Variants in PDK4 observed in about 807,000 individuals in gnomAD.
The protein encoded by PDK4 is pyruvate dehydrogenase kinase 4.
A neutral mutation model predicts 51.7 loss-of-function variants in PDK4; 43 were observed. The ratio of observed to expected loss-of-function variants is 0.83; its 90% confidence interval spans 0.65 to 1.07. The LOEUF (loss-of-function observed/expected upper bound fraction) is 1.07. Ranked by LOEUF, PDK4 falls within the 50% of genes least tolerant of loss-of-function variation. The pLI, the probability that PDK4 is intolerant of heterozygous loss-of-function variation, is 0.00. For missense variants in PDK4, 498 were observed against 503.5 expected (o/e 0.99, Z 0.10); for synonymous variants, 170 against 176.6 (o/e 0.96, Z 0.30).
intron 10 of PDK4, 60 bp from the exon 11 acceptor site, chr7:95,585,841 C>G: frequency 2.1e-6 from 3 of 1,448,626 alleles, no homozygotes; most frequent in Non-Finnish European, 2.8e-6. Context: ...ATAATTTGCA[C>G]TTGAAGTTAT....
rs1030710313 is a variant in PDK4, at chr7:95,584,633, G to C, written c.*1008C>G. 6.6e-6 allele frequency: 1 copy of C among 152,240 alleles called. No homozygotes were observed. Among genetic ancestry groups the C allele is most frequent in the African/African-American group, 2.4e-5 (1 of 41,544 alleles). 9.4% of individuals were successfully genotyped at this position (152,240 alleles called of 1,614,324 possible). A position where few individuals can be genotyped will look rare whatever the true frequency, so the allele number is the denominator to read the frequency against. ...ACAGACATATTAATGCTGGAGTGTA[G>C]AGAATATAATTAAATATATCAAAAA... On this transcript the variant is annotated 3_prime_UTR_variant, in exon 11 of 11. Transcript: ENST00000005178.
At chr7:95,591,954 C>A in intron 6 of PDK4, 34 bp downstream of exon 6, 1 of 1,090,630 alleles carries the variant, frequency 9.2e-7, no homozygotes, top group Non-Finnish European at 1.3e-6. Context: ...ACAGAATTTT[C>A]CACAGGTTAA....
chr7:95,587,941 T>A (rs1020506669), intron 7 of PDK4, 116 bp from the exon 8 acceptor site: 2 of 693,174 alleles, frequency 2.9e-6, no homozygotes, highest in African/African-American at 3.6e-5. Flanking sequence ...GTTCCTATTT[T>A]TTTAAGTTAG....
At chr7:95,593,425 C>T (rs1791576165) in intron 3 of PDK4, among the ~76,000 whole-genome samples, 1 of 152,078 alleles carries the variant, frequency 6.6e-6, no homozygotes. Flanking sequence ...GTAAATCCTC[C>T]TACACATCTC....
Position 95,592,350 on chromosome 7 carries a change from A to C in PDK4, c.616+161T>G, listed in dbSNP as rs528501122. Among the ~76,000 whole-genome samples the C allele has an allele frequency of 2.0e-5, 3 of 152,276 alleles. No homozygotes were observed. The East Asian group carries it at 5.8e-4, about 29-fold the overall frequency. On this transcript the variant is annotated intron_variant, in intron 5 of 10. Transcript: ENST00000005178. ...AATAATATTTTAGAGGAATGTTTAT[A>C]CTACTGACTCTCAAAAGCAAAGGAC...
rs1382355510 is a variant in PDK4, at chr7:95,583,799, T to G, written c.*1842A>C. 6.6e-6 allele frequency: 1 copy of G among 152,236 alleles called. No individual in the cohort carries two copies. The highest frequency in any genetic ancestry group is 2.4e-5 in the African/African-American group (1 of 41,074). 9.4% of individuals were successfully genotyped at this position (152,236 alleles called of 1,614,324 possible). A position where few individuals can be genotyped will look rare whatever the true frequency, so the allele number is the denominator to read the frequency against. On this transcript the variant is annotated 3_prime_UTR_variant, in exon 11 of 11. Transcript: ENST00000005178. ...TAATTAATCAACTGATTTAAATCTTTGGTAAATACAAGTATTTACATGTAA... is the reference window on the plus strand; with the variant it reads ...TAATTAATCAACTGATTTAAATCTTGGGTAAATACAAGTATTTACATGTAA...
At position 95,583,808 on chromosome 7, in the gene PDK4, C is replaced by T. The variant is rs1435477458; in HGVS notation, c.*1833G>A. On this transcript the variant is annotated 3_prime_UTR_variant, in exon 11 of 11. Transcript: ENST00000005178. ...AACTGATTTAAATCTTTGGTAAATA[C>T]AAGTATTTACATGTAAAAATGTTTA... 6.6e-6 allele frequency: 1 copy of T among 151,678 alleles called. No individual in the cohort carries two copies. The highest frequency in any genetic ancestry group is 1.5e-5 in the Non-Finnish European group (1 of 67,986). The allele number at this position is 151,678 out of a possible 1,614,324, so 9.4% of individuals were successfully genotyped here. A position where few individuals can be genotyped will look rare whatever the true frequency, so the allele number is the denominator to read the frequency against.
chr7:95,594,759 C>A (rs1036720275), intron 2 of PDK4: 1 of 244,442 alleles, frequency 4.1e-6, no homozygotes, highest in Non-Finnish European at 7.7e-6. Flanking sequence ...ATTAAAATTG[C>A]ATGCCAATTT....
intron 7 of PDK4, 146 bp downstream of exon 7, chr7:95,589,494 A>T: frequency 2.0e-6 from 1 of 500,594 alleles, no homozygotes; most frequent in Non-Finnish European, 3.6e-6. Context: ...CATTGACTGT[A>T]TAGTTTCTTT....
Position 95,585,165 on chromosome 7 carries a change from T to A in PDK4, c.*476A>T, listed in dbSNP as rs117797074. 0.019 allele frequency: 2,929 copies of A among 152,586 alleles called. 43 individuals are homozygous for A. Among genetic ancestry groups the A allele is most frequent in the Non-Finnish European group, 0.032 (2,166 of 68,180 alleles). The allele number at this position is 152,586 out of a possible 1,614,324, so 9.5% of individuals were successfully genotyped here. ...TTCCTTCCATAGCACATAAATATGT[T>A]CAAAATGTACATTGACATATATTTG... On this transcript the variant is annotated 3_prime_UTR_variant, in exon 11 of 11. Coordinates refer to ENST00000005178, the MANE Select transcript of PDK4 (RefSeq NM_002612.4).
Position 95,587,401 on chromosome 7 carries a change from C to T in PDK4, c.981+17G>A. On this transcript the variant is annotated intron_variant, in intron 9 of 10. Transcript: ENST00000005178. ...ACTAGGTGGCTGAGATTAATTTAGC[C>T]ATATAATTGTTCTTACCAAAGGAGC... The T allele has an allele frequency of 7.1e-7, 1 of 1,399,380 alleles. No individual in the cohort carries two copies. The highest frequency in any genetic ancestry group is 1.2e-5 in the South Asian group (1 of 86,620). 86.7% of individuals were successfully genotyped at this position (1,399,380 alleles called of 1,614,324 possible). A position where few individuals can be genotyped will look rare whatever the true frequency, so the allele number is the denominator to read the frequency against.
At chr7:95,587,364 T>G in intron 9 of PDK4, 54 bp downstream of exon 9, 2 of 1,052,160 alleles carry the variant, frequency 1.9e-6, no homozygotes, top group Non-Finnish European at 3.0e-6. Flanking sequence ...CAATCCTTGC[T>G]CTACATTTAG....
chr7:95,596,191 G>A lies in PDK4; in HGVS notation c.103C>T (p.Leu35=). 6.2e-7 allele frequency: 1 copy of A among 1,603,980 alleles called. No homozygotes were observed. ...EHFSRYSPSP[L]SMKQLLDFGS... Reference sequence around the variant, plus strand: ...AAGTCCAGTAGCTGCTTCATGGACAGCGGGGACGGGCTGTAGCGCGAGAAA... The same window carrying A: ...AAGTCCAGTAGCTGCTTCATGGACAACGGGGACGGGCTGTAGCGCGAGAAA... Residue 35 remains leucine (L), a synonymous_variant, in exon 1 of 11, where the codon CTG becomes TTG. Transcript: ENST00000005178.
chr7:95,596,457 GGAGTGAA>G lies in PDK4; in HGVS notation c.-171_-165del. 1 of 649,474 alleles carries G rather than the reference GGAGTGAA, an allele frequency of 1.5e-6. No individual in the cohort carries two copies. Among genetic ancestry groups the G allele is most frequent in the Non-Finnish European group, 2.4e-6 (1 of 423,512 alleles). 40.2% of individuals were successfully genotyped at this position (649,474 alleles called of 1,614,324 possible). ...CTGGGCTGGGGTTTGAGGGTGCCGC[GGAGTGAA>G]GAGTCTGGGCAGAGTCGGAGATGCA... On this transcript the variant is annotated 5_prime_UTR_variant, in exon 1 of 11. Coordinates refer to ENST00000005178, the MANE Select transcript of PDK4 (RefSeq NM_002612.4).
chr7:95,590,488 C>T (rs1273448387), intron 6 of PDK4, among the ~76,000 whole-genome samples: 1 of 152,132 alleles, frequency 6.6e-6, no homozygotes, highest in Non-Finnish European at 1.5e-5. Flanking sequence ...CTTCAGCGTT[C>T]CAGGCCTTGG....
intron 2 of PDK4, among the ~76,000 whole-genome samples, chr7:95,594,126 G>T (rs1200235397): frequency 6.6e-6 from 1 of 152,062 alleles, no homozygotes; most frequent in East Asian, 1.9e-4. Flanking sequence ...TCATAGAAGA[G>T]TGTAAGTCTT....
chr7:95,583,915 TCCCA>T lies in PDK4; in HGVS notation c.*1722_*1725del, dbSNP rs1306658471. The T allele has an allele frequency of 6.6e-6, 1 of 152,256 alleles. No homozygotes were observed. Among genetic ancestry groups the T allele is most frequent in the East Asian group, 1.9e-4 (1 of 5,200 alleles). 9.4% of individuals were successfully genotyped at this position (152,256 alleles called of 1,614,324 possible). ...ATAATCAGAAATGCATGAGCTGGAC[TCCCA>T]CCATTAAGAAATGTCACTGTCTAGG... On this transcript the variant is annotated 3_prime_UTR_variant, in exon 11 of 11. Coordinates refer to ENST00000005178, the MANE Select transcript of PDK4 (RefSeq NM_002612.4).
rs770530781 is a variant in PDK4 at position 95,595,140 on chromosome 7, G to A, written c.155C>T (p.Thr52Ile). The change falls in exon 2 of 11, where the codon ACT (threonine) becomes ATT (isoleucine). Residue 52 changes from threonine to isoleucine, a missense_variant. Physicochemically the swap from Thr to Ile is moderately conservative, Grantham distance 89. Coordinates refer to ENST00000005178, the MANE Select transcript of PDK4 (RefSeq NM_002612.4). ...DFGSENACER[T>I]SFAFLRQELP... The stretch of plus-strand genomic sequence containing the variant: ...TTCTTGTCGCAAAAATGCAAAAGAA[G>A]TTCTTTCACATGCATTTTCTGAACC... 7 of 1,612,642 alleles carry A rather than the reference G, an allele frequency of 4.3e-6. No individual in the cohort carries two copies. The highest frequency in any genetic ancestry group is 2.2e-5 in the East Asian group (1 of 44,850).
At position 95,589,707 on chromosome 7, in the gene PDK4, G is replaced by A. The variant is rs201608061; in HGVS notation, c.704C>T (p.Pro235Leu). The A allele has an allele frequency of 5.1e-6, 8 of 1,562,432 alleles. No homozygotes were observed. The highest frequency in any genetic ancestry group is 7.1e-6 in the Non-Finnish European group (8 of 1,134,660). Reference protein sequence around the residue: ...LKLTQVNGKFPDQPIHIVYVP... With the variant: ...LKLTQVNGKFLDQPIHIVYVP... Reference sequence around the variant, plus strand: ...ATACACGATGTGAATTGGTTGGTCTGGAAATTTTCCTAGAAAAATAAAATT... The same window carrying A: ...ATACACGATGTGAATTGGTTGGTCTAGAAATTTTCCTAGAAAAATAAAATT... The change falls in exon 7 of 11, where the codon CCA (proline) becomes CTA (leucine). Residue 235 changes from proline to leucine, a missense_variant. By Grantham distance (98) the Pro-to-Leu change is moderately conservative (BLOSUM62 -3). Transcript: ENST00000005178.
Sources: gnomAD v4.1 joint callset for allele counts (sites outside exome capture counted in the v4.1 genomes callset) on GRCh38, gnomAD v4.1.1 for gene constraint, MANE v1.5 for transcripts, NCBI Gene and HGNC (gene_info 2026-07-23, HGNC 2026-07-21) for gene names.